Variants in FRMD4A observed in about 807,000 individuals in gnomAD.
FRMD4A encodes the protein FERM domain-containing protein 4A.
A neutral mutation model predicts 129.1 loss-of-function variants in FRMD4A; 29 were observed. The observed-to-expected ratio is 0.22, with a 90% CI of 0.17 to 0.31. The LOEUF (loss-of-function observed/expected upper bound fraction) is 0.31. Among genes scored for constraint, FRMD4A ranks in the 10% least tolerant of loss-of-function variants. FRMD4A has a pLI of 1.00. For synonymous variants in FRMD4A, 634 were observed against 571.6 expected (o/e 1.11, Z -1.56); for missense variants, 1,272 against 1,375.8 (o/e 0.92, Z 1.19).
intron 3 of FRMD4A, among the ~76,000 whole-genome samples, chr10:13,820,944 G>A (rs1054056602): frequency 5.3e-5 from 8 of 152,226 alleles, no homozygotes; most frequent in East Asian, 1.9e-4. Flanking sequence ...AGGAGGGGCC[G>A]GGGTTAGCTT....
At chr10:14,001,328 G>A (rs192461649) in intron 2 of FRMD4A, among the ~76,000 whole-genome samples, 65 of 152,280 alleles carry the variant, frequency 4.3e-4, no homozygotes, top group Admixed American at 1.3e-3. Flanking sequence ...GCATGATGGT[G>A]AGGCATGACG....
chr10:13,687,438 T>C (rs1436011832), intron 15 of FRMD4A, among the ~76,000 whole-genome samples: 4 of 151,956 alleles, frequency 2.6e-5, no homozygotes, highest in African/African-American at 7.3e-5. Context: ...ATACACCCAG[T>C]TATTGTTGCT....
chr10:14,302,532 T>C (rs774942270), intron 2 of FRMD4A, among the ~76,000 whole-genome samples: 37 of 152,212 alleles, frequency 2.4e-4, no homozygotes, highest in Admixed American at 5.9e-4. Flanking sequence ...TCACTTCAGC[T>C]TCCTTCAATA....
At chr10:14,113,194 T>C (rs748020011) in intron 2 of FRMD4A, among the ~76,000 whole-genome samples, 4 of 152,230 alleles carry the variant, frequency 2.6e-5, no homozygotes, top group East Asian at 1.9e-4. Context: ...TTAAAAGTTA[T>C]ACAGTTGACT....
In FRMD4A at chr10:13,657,099, C is replaced by G; in HGVS notation, c.2490G>C (p.Ser830=). ...GCGGGTACTCCTTGATGCGGTACTG[C>G]GAGCTGGGCTGGCTCTGGCTGTGCA... ...VYLHSQSQPS[S]QYRIKEYPLY... Residue 830 remains serine, a synonymous_variant, in exon 22 of 25, where the codon TCG becomes TCC. Transcript: ENST00000357447. The G allele has an allele frequency of 6.4e-7, 1 of 1,569,304 alleles. No individual in the cohort carries two copies. Among genetic ancestry groups the G allele is most frequent in the Non-Finnish European group, 8.6e-7 (1 of 1,163,972 alleles).
chr10:13,750,117 A>AAAGAAAGAAATG (rs758199619), intron 8 of FRMD4A, among the ~76,000 whole-genome samples: 180 of 133,126 alleles, frequency 1.4e-3, no homozygotes, highest in Non-Finnish European at 2.0e-3. Context: ...ATGAAGAAAG[A>AAAGAAAGAAATG]AAGAAAGAAA....
chr10:14,308,642 C>T (rs1393877686), intron 2 of FRMD4A, among the ~76,000 whole-genome samples: 2 of 152,136 alleles, frequency 1.3e-5, no homozygotes, highest in African/African-American at 2.4e-5. Context: ...TAAGTTTATT[C>T]TCCAGTTTAA....
At chr10:13,691,033 G>A (rs2085640933) in intron 15 of FRMD4A, among the ~76,000 whole-genome samples, 2 of 152,120 alleles carry the variant, frequency 1.3e-5, no homozygotes, top group Non-Finnish European at 2.9e-5. Context: ...TGCCGCTCAG[G>A]CTGGAGTACA....
intron 2 of FRMD4A, among the ~76,000 whole-genome samples, chr10:13,877,941 G>C (rs1054703602): frequency 6.6e-6 from 1 of 152,146 alleles, no homozygotes; most frequent in African/African-American, 2.4e-5. Flanking sequence ...GGGGTGGAAA[G>C]AGCGAGGGAG....
chr10:14,140,332 G>A (rs1839772455), intron 2 of FRMD4A, among the ~76,000 whole-genome samples: 1 of 152,142 alleles, frequency 6.6e-6, no homozygotes, highest in Non-Finnish European at 1.5e-5. Flanking sequence ...CAAAGTGGTG[G>A]GATCACAGAT....
intron 2 of FRMD4A, among the ~76,000 whole-genome samples, chr10:14,107,814 C>T (rs939254009): frequency 2.6e-5 from 4 of 152,078 alleles, no homozygotes. Flanking sequence ...TTCTTTCATG[C>T]GGCTGGACCA....
At chr10:13,751,207 T>C (rs1380864201) in intron 8 of FRMD4A, among the ~76,000 whole-genome samples, 1 of 152,138 alleles carries the variant, frequency 6.6e-6, no homozygotes, top group African/African-American at 2.4e-5. Flanking sequence ...CACCAAACCC[T>C]TGCTTGTTGG....
At chr10:14,119,237 G>A (rs1235328936) in intron 2 of FRMD4A, among the ~76,000 whole-genome samples, 2 of 152,160 alleles carry the variant, frequency 1.3e-5, no homozygotes, top group Admixed American at 6.6e-5. Context: ...ATGAAGAGGT[G>A]TTAGAACAGC....
chr10:13,871,907 G>C (rs2094443034), intron 2 of FRMD4A, among the ~76,000 whole-genome samples: 1 of 152,366 alleles, frequency 6.6e-6, no homozygotes. Flanking sequence ...GTGGGTCAGA[G>C]CCAGGCTCCA....
At chr10:13,655,516 T>C (rs2082064707) in intron 22 of FRMD4A, 1 of 150,630 alleles carries the variant, frequency 6.6e-6, no homozygotes, top group East Asian at 1.9e-4. Flanking sequence ...TACCTGATCT[T>C]TGGAGCTTGT....
chr10:13,932,240 C>A (rs570924575), intron 2 of FRMD4A, among the ~76,000 whole-genome samples: 1 of 152,212 alleles, frequency 6.6e-6, no homozygotes, highest in Non-Finnish European at 1.5e-5. Flanking sequence ...ATAGAAGGTG[C>A]TCAACAAATG....
chr10:13,907,709 C>T (rs983495117), intron 2 of FRMD4A, among the ~76,000 whole-genome samples: 3 of 152,094 alleles, frequency 2.0e-5, no homozygotes, highest in South Asian at 4.1e-4. Flanking sequence ...AGGTGATGAG[C>T]GCTGTTCACT....
chr10:14,300,095 C>G (rs1290594605), intron 2 of FRMD4A, among the ~76,000 whole-genome samples: 1 of 151,664 alleles, frequency 6.6e-6, no homozygotes, highest in African/African-American at 2.4e-5. Flanking sequence ...GTGTAGGAGC[C>G]CTACACGAAG....
chr10:14,223,007 G>C (rs569165018), intron 2 of FRMD4A, among the ~76,000 whole-genome samples: 2 of 152,316 alleles, frequency 1.3e-5, no homozygotes, highest in African/African-American at 4.8e-5. Context: ...AAAATTGCTT[G>C]AACCTGGGAG....
Sources: gnomAD v4.1 joint callset for allele counts (sites outside exome capture counted in the v4.1 genomes callset) on GRCh38, gnomAD v4.1.1 for gene constraint, MANE v1.5 for transcripts, NCBI Gene and HGNC (gene_info 2026-07-23, HGNC 2026-07-21) for gene names.